The following LARGE1 variants were observed in gnomAD, a reference collection of about 807,000 sequenced individuals.
LARGE1 encodes the protein xylosyl- and glucuronyltransferase LARGE1.
Under a neutral mutation model 87.6 loss-of-function variants are expected in LARGE1, and 43 were observed. That is an observed-to-expected ratio of 0.49 (90% CI 0.38 to 0.63). The LOEUF (loss-of-function observed/expected upper bound fraction) is 0.63. Ranked by LOEUF, LARGE1 falls within the 30% of genes least tolerant of loss-of-function variation. LARGE1 has a pLI of 0.00. For missense variants in LARGE1, 802 were observed against 1,000.2 expected (o/e 0.80, Z 2.67); for synonymous variants, 434 against 394.6 (o/e 1.10, Z -1.18).
At chr22:33,611,370 A>T (rs1480859577) in intron 4 of LARGE1, among the ~76,000 whole-genome samples, 3 of 152,230 alleles carry the variant, frequency 2.0e-5, no homozygotes, top group Non-Finnish European at 4.4e-5. Context: ...CCATTGCACC[A>T]GTGTGCCCTA....
intron 11 of LARGE1, among the ~76,000 whole-genome samples, chr22:33,306,498 T>C (rs1180357153): frequency 1.3e-5 from 2 of 152,108 alleles, no homozygotes; most frequent in Non-Finnish European, 2.9e-5. Flanking sequence ...CCTCTGTGTC[T>C]CAGTTTTCCA....
intron 11 of LARGE1, among the ~76,000 whole-genome samples, chr22:33,204,892 G>A (rs1320467407): frequency 6.6e-6 from 1 of 152,006 alleles, no homozygotes; most frequent in Non-Finnish European, 1.5e-5. Flanking sequence ...GCAACACCAA[G>A]GAGGTATACA....
chr22:33,542,162 C>CAA (rs150998193), intron 6 of LARGE1, among the ~76,000 whole-genome samples: 1,188 of 92,340 alleles, frequency 0.013, 28 homozygotes, highest in South Asian at 0.062. Context: ...AACTCTGTCT[C>CAA]AAAAAAAAAA....
At chr22:33,857,212 C>T (rs998569627) in intron 1 of LARGE1, among the ~76,000 whole-genome samples, 1 of 152,200 alleles carries the variant, frequency 6.6e-6, no homozygotes, top group Admixed American at 6.5e-5. Context: ...ACCACCGCAC[C>T]CAGCCTAAAA....
chr22:33,437,466 A>G (rs62225295), intron 6 of LARGE1, among the ~76,000 whole-genome samples: 1 of 152,088 alleles, frequency 6.6e-6, no homozygotes, highest in Non-Finnish European at 1.5e-5. Context: ...TAACATACCT[A>G]ATTTTTTTTT....
intron 1 of LARGE1, among the ~76,000 whole-genome samples, chr22:33,776,540 A>C (rs1317776661): frequency 1.3e-5 from 2 of 152,226 alleles, no homozygotes; most frequent in Non-Finnish European, 2.9e-5. Flanking sequence ...ATCAGCCCTT[A>C]ATCACATCCA....
chr22:33,227,944 C>T (rs1925816595), intron 11 of LARGE1, among the ~76,000 whole-genome samples: 1 of 152,200 alleles, frequency 6.6e-6, no homozygotes, highest in Non-Finnish European at 1.5e-5. Flanking sequence ...TAAATGCATT[C>T]TTCTTCCCCA....
At chr22:33,242,076 T>A (rs991082504) in intron 11 of LARGE1, among the ~76,000 whole-genome samples, 1 of 152,212 alleles carries the variant, frequency 6.6e-6, no homozygotes, top group South Asian at 2.1e-4. Context: ...TCATTTCACA[T>A]TGTAAACATA....
At chr22:33,766,016 C>T (rs1319376211) in intron 1 of LARGE1, among the ~76,000 whole-genome samples, 1 of 152,164 alleles carries the variant, frequency 6.6e-6, no homozygotes, top group Non-Finnish European at 1.5e-5. Context: ...AATGACACCT[C>T]TGTGTACTAA....
At chr22:33,153,131 G>A in the LARGE1 span, among the ~76,000 whole-genome samples, 1 of 151,972 alleles carries the variant, frequency 6.6e-6, no homozygotes, top group Non-Finnish European at 1.5e-5. Context: ...CTTAAACTCT[G>A]GATCATCTCT....
intron 5 of LARGE1, among the ~76,000 whole-genome samples, chr22:33,572,649 C>T (rs1359917940): frequency 3.3e-5 from 5 of 151,928 alleles, no homozygotes; most frequent in African/African-American, 4.8e-5. Context: ...CCAAGGTGGG[C>T]GGATCACTTG....
intron 6 of LARGE1, among the ~76,000 whole-genome samples, chr22:33,550,164 CACACACACACACAT>C (rs997659667): frequency 5.5e-5 from 8 of 144,808 alleles, no homozygotes; most frequent in Admixed American, 4.2e-4. Context: ...CACACACACA[CACACACACACACAT>C]ATATATATAT....
intron 1 of LARGE1, among the ~76,000 whole-genome samples, chr22:33,863,636 C>A (rs1048216122): frequency 6.6e-6 from 1 of 151,330 alleles, no homozygotes; most frequent in East Asian, 1.9e-4. Context: ...GATGTGGTGA[C>A]GCATGCCTAT....
chr22:33,442,325 C>G (rs756989332), intron 6 of LARGE1, among the ~76,000 whole-genome samples: 3 of 152,200 alleles, frequency 2.0e-5, no homozygotes, highest in Non-Finnish European at 2.9e-5. Context: ...AAAACAGGCA[C>G]GCTCTTGGCC....
chr22:33,675,821 G>A (rs1193361161), intron 2 of LARGE1, among the ~76,000 whole-genome samples: 3 of 152,130 alleles, frequency 2.0e-5, no homozygotes, highest in Non-Finnish European at 2.9e-5. Context: ...TACAATTGGT[G>A]TTCACTCCAA....
intron 1 of LARGE1, among the ~76,000 whole-genome samples, chr22:33,773,679 A>G (rs1411000988): frequency 6.6e-6 from 1 of 152,248 alleles, no homozygotes; most frequent in African/African-American, 2.4e-5. Context: ...CCTGGCCTCA[A>G]GCATCAGCTC....
chr22:33,628,318 CTTTTT>C (rs35066040), intron 3 of LARGE1, among the ~76,000 whole-genome samples: 2 of 132,968 alleles, frequency 1.5e-5, no homozygotes, highest in Non-Finnish European at 1.6e-5. Flanking sequence ...ACTGTTTTTG[CTTTTT>C]TTTTTTTTTT....
intron 10 of LARGE1, among the ~76,000 whole-genome samples, chr22:33,335,390 C>T (rs569561941): frequency 3.3e-5 from 5 of 152,202 alleles, no homozygotes; most frequent in African/African-American, 9.6e-5. Flanking sequence ...GAGCCAGTGG[C>T]GATCCACTGT....
intron 7 of LARGE1, among the ~76,000 whole-genome samples, chr22:33,394,427 T>C (rs1304922435): frequency 6.6e-6 from 1 of 152,214 alleles, no homozygotes; most frequent in East Asian, 1.9e-4. Context: ...CTCGAACTCC[T>C]GACCTCGTAA....
Sources: gnomAD v4.1 joint callset for allele counts (sites outside exome capture counted in the v4.1 genomes callset) on GRCh38, gnomAD v4.1.1 for gene constraint, MANE v1.5 for transcripts, NCBI Gene and HGNC (gene_info 2026-07-23, HGNC 2026-07-21) for gene names.